PDE10A: variants seen among roughly 807,000 people sequenced by gnomAD.
PDE10A encodes cAMP and cAMP-inhibited cGMP 3',5'-cyclic phosphodiesterase 10A.
A neutral mutation model predicts 97.7 loss-of-function variants in PDE10A; 39 were observed. That is an observed-to-expected ratio of 0.40 (90% confidence interval 0.31 to 0.52). The LOEUF (loss-of-function observed/expected upper bound fraction) is 0.52, where lower values mean the gene tolerates loss of function less well. Among genes scored for constraint, PDE10A ranks in the 20% least tolerant of loss-of-function variants. PDE10A has a pLI of 0.56. For synonymous variants in PDE10A, 371 were observed against 376.8 expected, an observed-to-expected ratio of 0.98 and a Z score of 0.18; for missense variants, 731 against 1,047.8, an observed-to-expected ratio of 0.70 and a Z score of 4.17.
chr6:165,968,777 A>C (rs1784589081), intron 1 of PDE10A, among the ~76,000 whole-genome samples: 1 of 152,226 alleles, frequency 6.6e-6, no homozygotes, highest in Admixed American at 6.5e-5. Flanking sequence ...TCTAACATCT[A>C]CTCTTGATTA....
chr6:165,718,516 A>G (rs1168630694), intron 1 of PDE10A, among the ~76,000 whole-genome samples: 2 of 152,200 alleles, frequency 1.3e-5, no homozygotes, highest in Admixed American at 6.5e-5. Flanking sequence ...GTCTAGATAG[A>G]ACAGGATGCA....
In PDE10A at chr6:165,637,057, A is replaced by C. The variant is rs142161523; in HGVS notation, c.865+24890T>G. 5.1e-4 allele frequency among the ~76,000 whole-genome samples: 77 copies of C among 152,294 alleles called. No homozygotes were observed. In the East Asian group the frequency reaches 0.014, roughly 28 times the overall value. On this transcript the variant is annotated intron_variant, in intron 1 of 21. Coordinates refer to ENST00000539869, the MANE Select transcript of PDE10A (RefSeq NM_001385079.1). ...GTCCTACACACCTATTATTTAATTAATTTAACCCTTTGGACTGCTTGATGA... is the reference window on the plus strand; with the variant it reads ...GTCCTACACACCTATTATTTAATTACTTTAACCCTTTGGACTGCTTGATGA...
intron 1 of PDE10A, among the ~76,000 whole-genome samples, chr6:165,784,494 G>C (rs1170521070): frequency 6.6e-6 from 1 of 152,156 alleles, no homozygotes; most frequent in African/African-American, 2.4e-5. Flanking sequence ...TAGAATAACA[G>C]ACTACTCATA....
intron 20 of PDE10A, among the ~76,000 whole-genome samples, chr6:165,338,698 A>G (rs1470530765): frequency 1.3e-5 from 2 of 152,240 alleles, no homozygotes; most frequent in Non-Finnish European, 2.9e-5. Context: ...TGTTAAAAAT[A>G]AAACAATTCA....
intron 2 of PDE10A, among the ~76,000 whole-genome samples, chr6:165,506,757 G>A (rs762697008): frequency 6.6e-6 from 1 of 152,084 alleles, no homozygotes; most frequent in Non-Finnish European, 1.5e-5. Context: ...CATATTCACA[G>A]CTTTTTATTT....
chr6:165,343,586 T>C (rs1176654250), intron 18 of PDE10A, 84 bp from the exon 19 acceptor site: 1 of 968,486 alleles, frequency 1.0e-6, no homozygotes, highest in Non-Finnish European at 1.7e-6. Context: ...ATTTCAGGAG[T>C]GAAGTTTAAG....
At chr6:165,531,832 C>A (rs480613) in intron 2 of PDE10A, among the ~76,000 whole-genome samples, 105,101 of 152,014 alleles carry the variant, frequency 0.69, 39,645 homozygotes, top group Non-Finnish European at 0.83. Context: ...CTATTACAAT[C>A]AATGTAGAAC....
At chr6:165,916,455 G>A (rs961190888) in intron 1 of PDE10A, among the ~76,000 whole-genome samples, 4 of 152,180 alleles carry the variant, frequency 2.6e-5, no homozygotes, top group African/African-American at 9.7e-5. Flanking sequence ...ATTTCAGTGA[G>A]TTTGTCATAT....
chr6:165,697,865 C>T (rs1334967407), intron 1 of PDE10A, among the ~76,000 whole-genome samples: 1 of 152,156 alleles, frequency 6.6e-6, no homozygotes, highest in Non-Finnish European at 1.5e-5. Flanking sequence ...AAATTTTATA[C>T]TACGTATATT....
In PDE10A at chr6:165,698,300, A is replaced by G. The variant is rs760311619; in HGVS notation, c.-614-154732T>C. Reference sequence around the variant, plus strand: ...TCTCCTCTGTCTCTACAGAAATACTATGGTAAGCCTTACATTCTAATCCTT... The same window carrying G: ...TCTCCTCTGTCTCTACAGAAATACTGTGGTAAGCCTTACATTCTAATCCTT... On this transcript the variant is annotated intron_variant, in intron 1 of 19. Transcript: ENST00000366882. 6.5e-4 allele frequency among the ~76,000 whole-genome samples: 99 copies of G among 152,312 alleles called. 1 individual carries two copies. The Middle Eastern group carries it at 0.014, about 21-fold the overall frequency.
In PDE10A at chr6:165,854,180, C is replaced by T. The variant is rs934551447; in HGVS notation, c.-615+133349G>A. Among the ~76,000 whole-genome samples, 5 of 152,318 alleles carry T rather than the reference C, an allele frequency of 3.3e-5. No homozygotes were observed. In the South Asian group the frequency reaches 6.2e-4, roughly 19 times the overall value. On this transcript the variant is annotated intron_variant, in intron 1 of 19. Coordinates refer to the PDE10A transcript ENST00000366882. ...GGCTGGGGCCGACGGGGCGCACCGG[C>T]GGACGGTGATGAACCCGGAGACCCG...
chr6:165,833,566 G>T (rs1368113079), intron 1 of PDE10A, among the ~76,000 whole-genome samples: 2 of 152,264 alleles, frequency 1.3e-5, no homozygotes, highest in Non-Finnish European at 2.9e-5. Context: ...CCAGCTGAGG[G>T]CTGGAGGAGC....
At chr6:165,419,340 A>G in intron 10 of PDE10A, among the ~76,000 whole-genome samples, 1 of 152,228 alleles carries the variant, frequency 6.6e-6, no homozygotes, top group East Asian at 1.9e-4. Flanking sequence ...TGTACAGATT[A>G]TTAAGTGTTT....
chr6:165,615,276 A>T (rs546035658), intron 1 of PDE10A, among the ~76,000 whole-genome samples: 2 of 152,272 alleles, frequency 1.3e-5, no homozygotes, highest in East Asian at 3.9e-4. Context: ...AACTAATTCA[A>T]TTCCATTCAT....
intron 1 of PDE10A, among the ~76,000 whole-genome samples, chr6:165,610,981 G>T (rs534415564): frequency 6.6e-6 from 1 of 152,016 alleles, no homozygotes; most frequent in South Asian, 2.1e-4. Flanking sequence ...CCAATCGGGA[G>T]AGTTGCGAGT....
chr6:165,913,682 A>C (rs1390537741), intron 1 of PDE10A, among the ~76,000 whole-genome samples: 1 of 152,222 alleles, frequency 6.6e-6, no homozygotes, highest in African/African-American at 2.4e-5. Context: ...GGGACATGGC[A>C]TGTGGCTTGG....
intron 2 of PDE10A, among the ~76,000 whole-genome samples, chr6:165,500,939 G>A (rs1583416399): frequency 6.6e-6 from 1 of 152,100 alleles, no homozygotes; most frequent in African/African-American, 2.4e-5. Flanking sequence ...TCAAGGCACA[G>A]CACCTTTTCT....
At chr6:165,869,324 A>C (rs897719509) in intron 1 of PDE10A, among the ~76,000 whole-genome samples, 1 of 149,320 alleles carries the variant, frequency 6.7e-6, no homozygotes, top group Non-Finnish European at 1.5e-5. Context: ...AAAAATCCAG[A>C]AAGCAGTCTC....
intron 15 of PDE10A, among the ~76,000 whole-genome samples, chr6:165,394,208 C>T (rs373062809): frequency 1.6e-4 from 24 of 152,198 alleles, no homozygotes; most frequent in African/African-American, 5.8e-4. Context: ...CTAATGCTAT[C>T]CCTCCCTTAG....
Sources: gnomAD v4.1 joint callset for allele counts (sites outside exome capture counted in the v4.1 genomes callset) on GRCh38, gnomAD v4.1.1 for gene constraint, MANE v1.5 for transcripts, NCBI Gene and HGNC (gene_info 2026-07-23, HGNC 2026-07-21) for gene names.